GPHN: variants seen among roughly 807,000 people sequenced by gnomAD.
GPHN encodes the protein gephyrin.
In GPHN, 17 loss-of-function variants were observed where a neutral mutation model predicts 95.5. The observed-to-expected ratio is 0.18, with a 90% confidence interval of 0.12 to 0.27. The LOEUF is 0.27. Among genes scored for constraint, GPHN ranks in the 10% least tolerant of loss-of-function variants. The pLI is 1.00. For missense variants in GPHN, 660 were observed against 978.1 expected (o/e 0.67, Z 4.34); for synonymous variants, 320 against 322.5 (o/e 0.99, Z 0.08).
chr14:67,421,808 C>T, the GPHN span, among the ~76,000 whole-genome samples: 7 of 152,264 alleles, frequency 4.6e-5, no homozygotes, highest in Middle Eastern at 0.017. Context: ...GGTCTGCTTT[C>T]CCTAGTTTTG....
chr14:66,706,008 A>C (rs999375454), intron 2 of GPHN, among the ~76,000 whole-genome samples: 1 of 152,172 alleles, frequency 6.6e-6, no homozygotes, highest in Non-Finnish European at 1.5e-5. Flanking sequence ...AAGCATTTTT[A>C]TACACCATCA....
At chr14:67,695,743 C>T in the GPHN span, 11 of 1,589,008 alleles carry the variant, frequency 6.9e-6, no homozygotes, top group Admixed American at 6.8e-5. Context: ...GATGCTCCAG[C>T]GTTGCTCGCC....
chr14:66,772,548 A>G (rs1018364240), intron 2 of GPHN, among the ~76,000 whole-genome samples: 2 of 152,218 alleles, frequency 1.3e-5, no homozygotes, highest in African/African-American at 4.8e-5. Context: ...GAAGTCAGAG[A>G]GATTGGAAAC....
At chr14:66,592,434 A>G (rs2140662610) in intron 1 of GPHN, among the ~76,000 whole-genome samples, 1 of 149,436 alleles carries the variant, frequency 6.7e-6, no homozygotes. Flanking sequence ...CAGAATCTAG[A>G]AGAAACTTAA....
chr14:66,578,654 G>GAAAAAAA (rs574302625), intron 1 of GPHN, among the ~76,000 whole-genome samples: 1 of 59,678 alleles, frequency 1.7e-5, no homozygotes, highest in Non-Finnish European at 3.3e-5. Context: ...GGGATAGAGT[G>GAAAAAAA]AAAAAAAAAA....
the GPHN span, chr14:67,392,492 G>A: frequency 1.5e-6 from 2 of 1,352,032 alleles, no homozygotes; most frequent in East Asian, 2.3e-5. Flanking sequence ...TATGGCGGCT[G>A]TCAGAGGGGA....
the GPHN span, among the ~76,000 whole-genome samples, chr14:67,502,611 C>T: frequency 6.6e-6 from 1 of 151,772 alleles, no homozygotes; most frequent in Non-Finnish European, 1.5e-5. Context: ...TGCCACCACG[C>T]CTGGCTAATT....
At chr14:67,592,554 A>C in the GPHN span, 78 of 849,816 alleles carry the variant, frequency 9.2e-5, no homozygotes, top group Non-Finnish European at 1.3e-4. Context: ...GTATCTTCCA[A>C]TACTCTGACA....
the GPHN span, among the ~76,000 whole-genome samples, chr14:67,394,569 A>C: frequency 6.6e-6 from 1 of 151,522 alleles, no homozygotes; most frequent in African/African-American, 2.4e-5. Context: ...GACCCATAGG[A>C]GGTGTACAGT....
At chr14:67,332,325 A>G in the GPHN span, among the ~76,000 whole-genome samples, 1 of 152,198 alleles carries the variant, frequency 6.6e-6, no homozygotes, top group African/African-American at 2.4e-5. Context: ...TCTGCAGCAG[A>G]TAGTATAGGG....
intron 3 of GPHN, among the ~76,000 whole-genome samples, chr14:66,784,486 A>C (rs144511002): frequency 6.6e-6 from 1 of 152,322 alleles, no homozygotes; most frequent in African/African-American, 2.4e-5. Context: ...AGAATGGGTC[A>C]ATACAATAGA....
At chr14:67,276,753 G>C in the GPHN span, among the ~76,000 whole-genome samples, 1 of 152,160 alleles carries the variant, frequency 6.6e-6, no homozygotes, top group South Asian at 2.1e-4. Flanking sequence ...ATTTTTCTGA[G>C]AGCAAAGGTT....
At chr14:67,057,879 G>C (rs895430813) in intron 10 of GPHN, among the ~76,000 whole-genome samples, 1 of 152,156 alleles carries the variant, frequency 6.6e-6, no homozygotes, top group African/African-American at 2.4e-5. Context: ...CAAACTTGCT[G>C]TTTAATAAGA....
At chr14:66,907,730 C>T (rs1429805234) in intron 5 of GPHN, among the ~76,000 whole-genome samples, 2 of 152,064 alleles carry the variant, frequency 1.3e-5, no homozygotes, top group Admixed American at 1.3e-4. Flanking sequence ...AAGGTAAAAG[C>T]AACTGCACAT....
the GPHN span, among the ~76,000 whole-genome samples, chr14:67,431,116 T>G: frequency 6.6e-6 from 1 of 152,078 alleles, no homozygotes; most frequent in African/African-American, 2.4e-5. Context: ...CAGCATAGGC[T>G]GGGCGTGGTG....
At chr14:67,011,573 CAAAAAAAAAAA>C (rs201978777) in intron 9 of GPHN, among the ~76,000 whole-genome samples, 4 of 63,192 alleles carry the variant, frequency 6.3e-5, no homozygotes, top group East Asian at 4.5e-4. Flanking sequence ...GACCTTGCCT[CAAAAAAAAAAA>C]AAAAAAAAAA....
At chr14:66,946,072 T>A (rs911024145) in intron 8 of GPHN, among the ~76,000 whole-genome samples, 3 of 152,176 alleles carry the variant, frequency 2.0e-5, no homozygotes, top group African/African-American at 7.2e-5. Flanking sequence ...TTTTGAGTTA[T>A]CAGAGGAAAC....
intron 2 of GPHN, among the ~76,000 whole-genome samples, chr14:66,690,955 G>A (rs2067729925): frequency 6.6e-6 from 1 of 152,086 alleles, no homozygotes; most frequent in African/African-American, 2.4e-5. Context: ...ACCTTGGTCT[G>A]TATTATTCGA....
the GPHN span, among the ~76,000 whole-genome samples, chr14:67,444,323 T>G: frequency 6.6e-6 from 1 of 152,178 alleles, no homozygotes; most frequent in Non-Finnish European, 1.5e-5. Flanking sequence ...CCTGCTCAGA[T>G]TTTTGGAGTT....
Sources: allele counts gnomAD v4.1 joint callset (sites outside exome capture counted in the v4.1 genomes callset), GRCh38; gene constraint gnomAD v4.1.1; transcripts MANE v1.5; gene names NCBI Gene and HGNC (gene_info 2026-07-23, HGNC 2026-07-21).